The following DLGAP2 variants were observed in gnomAD, a reference collection of about 807,000 sequenced individuals.
DLGAP2 encodes the protein disks large-associated protein 2.
A neutral mutation model predicts 100.3 loss-of-function variants in DLGAP2; 26 were observed. The ratio of observed to expected loss-of-function variants is 0.26; its 90% CI spans 0.19 to 0.36. The LOEUF (loss-of-function observed/expected upper bound fraction) is 0.36, where lower values mean the gene tolerates loss of function less well. Ranked by LOEUF, DLGAP2 falls within the 10% of genes least tolerant of loss-of-function variation. The pLI, the probability that DLGAP2 is intolerant of heterozygous loss-of-function variation, is 1.00. For missense variants in DLGAP2, 1,858 were observed against 1,453.2 expected (o/e 1.28, Z -4.53); for synonymous variants, 886 against 630.1 (o/e 1.41, Z -6.08).
chr8:1,322,530 C>T (rs537724089), intron 3 of DLGAP2, among the ~76,000 whole-genome samples: 3 of 151,714 alleles, frequency 2.0e-5, no homozygotes, highest in African/African-American at 7.3e-5. Flanking sequence ...GAAATGCATG[C>T]ACCCACCCAG....
intron 4 of DLGAP2, among the ~76,000 whole-genome samples, chr8:1,536,217 C>T (rs56312410): frequency 0.018 from 2,761 of 152,176 alleles, 88 homozygotes; most frequent in African/African-American, 0.062. Context: ...TGGGCACCTA[C>T]AAGCCATCTG....
chr8:1,429,403 G>A lies in DLGAP2; in HGVS notation c.107-71963G>A, dbSNP rs921087542. ...ACTGTAGTGGCTGCTGTCACTCACTGTGAGCTCATGGGGTCCAGGATTGTG... is the reference window on the plus strand; with the variant it reads ...ACTGTAGTGGCTGCTGTCACTCACTATGAGCTCATGGGGTCCAGGATTGTG... On this transcript the variant is annotated intron_variant, in intron 3 of 14. Coordinates refer to ENST00000637795, the MANE Select transcript of DLGAP2 (RefSeq NM_001346810.2). Among the ~76,000 whole-genome samples, 7 of 152,284 alleles carry A rather than the reference G, an allele frequency of 4.6e-5. No individual in the cohort carries two copies. In the East Asian group the frequency reaches 1.4e-3, roughly 29 times the overall value.
At chr8:1,274,953 G>C (rs944021215) in intron 3 of DLGAP2, among the ~76,000 whole-genome samples, 2 of 152,154 alleles carry the variant, frequency 1.3e-5, no homozygotes, top group Admixed American at 1.3e-4. Flanking sequence ...CCATGAGTGA[G>C]TGTTCACTGC....
intron 2 of DLGAP2, among the ~76,000 whole-genome samples, chr8:1,217,005 T>A (rs1252823817): frequency 1.3e-5 from 2 of 152,184 alleles, no homozygotes; most frequent in African/African-American, 4.8e-5. Flanking sequence ...ACAGGTTTGT[T>A]ACATGGATAA....
intron 1 of DLGAP2, among the ~76,000 whole-genome samples, chr8:877,682 A>G (rs11777040): frequency 0.026 from 3,926 of 152,292 alleles, 66 homozygotes; most frequent in Middle Eastern, 0.041. Flanking sequence ...CCAGTAACCT[A>G]CAGGTTCACC....
At chr8:1,166,642 C>T (rs1038143934) in intron 2 of DLGAP2, among the ~76,000 whole-genome samples, 5 of 152,002 alleles carry the variant, frequency 3.3e-5, no homozygotes, top group African/African-American at 7.3e-5. Flanking sequence ...CTGTCAATGC[C>T]GCATAAGCAT....
At chr8:1,422,186 T>C (rs4876039) in intron 3 of DLGAP2, among the ~76,000 whole-genome samples, 24,305 of 152,140 alleles carry the variant, frequency 0.16, 2,125 homozygotes, top group South Asian at 0.27. Flanking sequence ...TAATGTCTTA[T>C]GGCCGCTAGG....
chr8:1,173,146 C>T (rs1485016825), intron 2 of DLGAP2, among the ~76,000 whole-genome samples: 1 of 152,222 alleles, frequency 6.6e-6, no homozygotes, highest in Non-Finnish European at 1.5e-5. Flanking sequence ...TAGAGGTCCA[C>T]TCCAGACCCA....
At chr8:915,949 GC>G (rs1465269013) in intron 2 of DLGAP2, among the ~76,000 whole-genome samples, 1 of 140,396 alleles carries the variant, frequency 7.1e-6, no homozygotes, top group Non-Finnish European at 1.5e-5. Context: ...TCTTTTTTCT[GC>G]CCGTCCGTCA....
chr8:1,204,521 G>A (rs1484761520), intron 2 of DLGAP2, among the ~76,000 whole-genome samples: 1 of 152,210 alleles, frequency 6.6e-6, no homozygotes, highest in Non-Finnish European at 1.5e-5. Flanking sequence ...CACACCTGGT[G>A]AAACTGGACA....
At chr8:882,766 G>A (rs1797836010) in intron 1 of DLGAP2, among the ~76,000 whole-genome samples, 1 of 151,954 alleles carries the variant, frequency 6.6e-6, no homozygotes, top group Non-Finnish European at 1.5e-5. Flanking sequence ...CTCTCCCTGC[G>A]GAGGCCTCTC....
chr8:1,051,556 G>A (rs1802713110), intron 2 of DLGAP2, among the ~76,000 whole-genome samples: 1 of 152,176 alleles, frequency 6.6e-6, no homozygotes, highest in Admixed American at 6.5e-5. Context: ...ACACAACAGA[G>A]AATTTACACA....
chr8:1,452,574 C>T (rs566130819), intron 3 of DLGAP2, among the ~76,000 whole-genome samples: 1 of 152,266 alleles, frequency 6.6e-6, no homozygotes, highest in East Asian at 1.9e-4. Flanking sequence ...GCTTAAATTG[C>T]CAGGCAAAGG....
At chr8:830,107 G>T (rs6986397) in intron 1 of DLGAP2, among the ~76,000 whole-genome samples, 6,357 of 152,184 alleles carry the variant, frequency 0.042, 200 homozygotes, top group African/African-American at 0.081. Context: ...GTACCTATCT[G>T]CCCTCTCACC....
At chr8:869,954 C>T (rs951438719) in intron 1 of DLGAP2, among the ~76,000 whole-genome samples, 1 of 150,236 alleles carries the variant, frequency 6.7e-6, no homozygotes, top group African/African-American at 2.5e-5. Context: ...GTGGTTTCTT[C>T]AGGAGAGCAG....
chr8:1,357,079 A>C (rs113338364), intron 3 of DLGAP2, among the ~76,000 whole-genome samples: 15,367 of 150,896 alleles, frequency 0.1, 1,077 homozygotes, highest in African/African-American at 0.19. Context: ...ACTTTGATCC[A>C]ATGACATTAA....
At chr8:1,239,942 A>G (rs145279879) in intron 2 of DLGAP2, among the ~76,000 whole-genome samples, 4,759 of 135,328 alleles carry the variant, frequency 0.035, 131 homozygotes, top group African/African-American at 0.08. Flanking sequence ...GTTCTCTCAC[A>G]TGTTGCCGTG....
chr8:1,354,334 C>T (rs974549672), intron 3 of DLGAP2, among the ~76,000 whole-genome samples: 2 of 152,074 alleles, frequency 1.3e-5, no homozygotes, highest in African/African-American at 4.8e-5. Flanking sequence ...GGCAAAACCC[C>T]ATCTCTTCTA....
chr8:785,602 C>T (rs1427440291), intron 1 of DLGAP2, among the ~76,000 whole-genome samples: 1 of 122,274 alleles, frequency 8.2e-6, no homozygotes. Context: ...GGCCTCCCTC[C>T]TCCCCTCAGA....
Sources: allele counts gnomAD v4.1 joint callset (sites outside exome capture counted in the v4.1 genomes callset), GRCh38; gene constraint gnomAD v4.1.1; transcripts MANE v1.5; gene names NCBI Gene and HGNC (gene_info 2026-07-23, HGNC 2026-07-21).